AOAH: variants seen among roughly 807,000 people sequenced by gnomAD.
AOAH encodes acyloxyacyl hydrolase (neutrophil).
In AOAH, 64 loss-of-function variants were observed where a neutral mutation model predicts 92.2. The observed-to-expected ratio is 0.69, with a 90% confidence interval of 0.57 to 0.86. AOAH has a LOEUF of 0.86. Ranked by LOEUF, AOAH falls within the 40% of genes least tolerant of loss-of-function variation. The probability of loss-of-function intolerance (pLI) is 0.00; values close to 1 mark genes in which losing one functional copy is unlikely to be tolerated. For missense variants in AOAH, 656 were observed against 694.6 expected (o/e 0.94, Z 0.62); for synonymous variants, 263 against 254.5 (o/e 1.03, Z -0.32).
chr7:36,649,703 A>G (rs553308756), intron 4 of AOAH, among the ~76,000 whole-genome samples: 1 of 152,156 alleles, frequency 6.6e-6, no homozygotes, highest in Non-Finnish European at 1.5e-5. Context: ...AAATCTTGCA[A>G]TTGCACTCTC....
chr7:36,532,317 G>T lies in AOAH; in HGVS notation c.1334C>A (p.Ala445Glu). The change falls in exon 17 of 21, where the codon GCG (alanine) becomes GAG (glutamate). Residue 445 changes from alanine to glutamate, a missense_variant. Coordinates refer to ENST00000617537, the MANE Select transcript of AOAH (RefSeq NM_001637.4). ...GCAGTTCAGGAAGGAGTACAACTGCGCATAGGTCATGTCTTTATTTAGCTG... is the reference window on the plus strand; with the variant it reads ...GCAGTTCAGGAAGGAGTACAACTGCTCATAGGTCATGTCTTTATTTAGCTG... Reference protein sequence around the residue: ...LGQLNKDMTYAQLYSFLNCLQ... With the variant: ...LGQLNKDMTYEQLYSFLNCLQ... 6.2e-7 allele frequency: 1 copy of T among 1,614,102 alleles called. No homozygotes were observed. Among genetic ancestry groups the T allele is most frequent in the Non-Finnish European group, 8.5e-7 (1 of 1,180,028 alleles).
At chr7:36,580,120 C>T (rs938626779) in intron 12 of AOAH, among the ~76,000 whole-genome samples, 2 of 152,274 alleles carry the variant, frequency 1.3e-5, no homozygotes, top group Non-Finnish European at 2.9e-5. Flanking sequence ...TTGATAAACC[C>T]TTTCAACTTG....
intron 1 of AOAH, among the ~76,000 whole-genome samples, chr7:36,697,150 A>G (rs1002960208): frequency 1.3e-5 from 2 of 152,174 alleles, no homozygotes; most frequent in African/African-American, 4.8e-5. Context: ...GTCTGCTATC[A>G]TTAAATACAA....
intron 13 of AOAH, among the ~76,000 whole-genome samples, chr7:36,556,048 T>C (rs929455706): frequency 2.6e-5 from 4 of 151,954 alleles, no homozygotes; most frequent in East Asian, 1.9e-4. Context: ...TTTGCTCTTG[T>C]TTTTCTAGTT....
intron 3 of AOAH, chr7:36,661,387 G>A (rs11971903): frequency 0.24 from 36,358 of 152,106 alleles, 4,998 homozygotes; most frequent in East Asian, 0.43. Flanking sequence ...TGCAGGATGG[G>A]TTCTGAGGGC....
chr7:36,513,409 A>C, intron 20 of AOAH, 29 bp from the exon 21 acceptor site: 1 of 1,606,554 alleles, frequency 6.2e-7, no homozygotes, highest in Non-Finnish European at 8.5e-7. Flanking sequence ...AGGACGAGGA[A>C]AAGGGAAATT....
chr7:36,549,419 A>G lies in AOAH; in HGVS notation c.1058+20T>C, dbSNP rs201018752. 1.7e-5 allele frequency: 27 copies of G among 1,578,106 alleles called. No individual in the cohort carries two copies. In the Middle Eastern group the frequency reaches 6.8e-4, roughly 40 times the overall value. Reference sequence around the variant, plus strand: ...AAAATGAGAAACCAAATTAAAAACAACTTCTTATCTTCTGCTTACCTTTCT... The same window carrying G: ...AAAATGAGAAACCAAATTAAAAACAGCTTCTTATCTTCTGCTTACCTTTCT... On this transcript the variant is annotated intron_variant, in intron 14 of 20. Coordinates refer to ENST00000617537, the MANE Select transcript of AOAH (RefSeq NM_001637.4).
intron 1 of AOAH, among the ~76,000 whole-genome samples, chr7:36,691,929 C>T (rs768702619): frequency 7.2e-5 from 11 of 152,242 alleles, no homozygotes; most frequent in East Asian, 3.9e-4. Flanking sequence ...GACGGAAAAC[C>T]GAGGTGCTTC....
chr7:36,628,554 T>C (rs920051234), intron 6 of AOAH, among the ~76,000 whole-genome samples: 1 of 152,006 alleles, frequency 6.6e-6, no homozygotes, highest in African/African-American at 2.4e-5. Context: ...GAAGCAGGGA[T>C]TGAAGAATGG....
At chr7:36,672,700 T>C (rs1407288200) in intron 3 of AOAH, among the ~76,000 whole-genome samples, 1 of 151,998 alleles carries the variant, frequency 6.6e-6, no homozygotes, top group African/African-American at 2.4e-5. Context: ...GACGGGTTGA[T>C]AGGTGCAGCA....
intron 12 of AOAH, among the ~76,000 whole-genome samples, chr7:36,593,031 C>T (rs770849166): frequency 6.6e-6 from 1 of 152,108 alleles, no homozygotes; most frequent in Non-Finnish European, 1.5e-5. Flanking sequence ...CTTTTATGAC[C>T]CCAGTCTCCC....
intron 3 of AOAH, among the ~76,000 whole-genome samples, chr7:36,664,115 A>G (rs1017629664): frequency 5.3e-5 from 8 of 151,986 alleles, no homozygotes; most frequent in African/African-American, 1.9e-4. Context: ...ATTTTGGATA[A>G]CAGATCTTTA....
intron 4 of AOAH, among the ~76,000 whole-genome samples, chr7:36,649,206 T>G (rs1015575185): frequency 1.3e-5 from 2 of 152,218 alleles, no homozygotes; most frequent in African/African-American, 4.8e-5. Flanking sequence ...GAATTGCCTC[T>G]CACAGGTAGG....
intron 1 of AOAH, among the ~76,000 whole-genome samples, chr7:36,715,570 A>C (rs889060587): frequency 6.6e-6 from 1 of 151,270 alleles, no homozygotes; most frequent in Non-Finnish European, 1.5e-5. Flanking sequence ...CCTGACTTCA[A>C]ACTATACTAC....
rs536977548 is a variant in AOAH, at chr7:36,650,313, G to A, written c.390+8853C>T. On this transcript the variant is annotated intron_variant, in intron 4 of 20. Coordinates refer to ENST00000617537, the MANE Select transcript of AOAH (RefSeq NM_001637.4). ...TTTCTAAGAGGCCTTATTCCTAGGG[G>A]GCTGGGGACTGGAAACCCAATAGCT... is the stretch of plus-strand genomic sequence containing the variant. Among the ~76,000 whole-genome samples, 10 of 152,266 alleles carry A rather than the reference G, an allele frequency of 6.6e-5. No individual in the cohort carries two copies. In the South Asian group the frequency reaches 1.2e-3, roughly 19 times the overall value.
chr7:36,595,159 C>T (rs1235068710), intron 11 of AOAH, among the ~76,000 whole-genome samples: 1 of 152,170 alleles, frequency 6.6e-6, no homozygotes, highest in Admixed American at 6.5e-5. Flanking sequence ...TGGGACTAAT[C>T]TCTCCTGTGG....
chr7:36,670,179 C>A (rs1795830158), intron 3 of AOAH, among the ~76,000 whole-genome samples: 1 of 152,072 alleles, frequency 6.6e-6, no homozygotes, highest in Admixed American at 6.5e-5. Context: ...AGGAAGGATG[C>A]CCTTTGGGTT....
At chr7:36,585,689 A>G (rs1486877797) in intron 12 of AOAH, among the ~76,000 whole-genome samples, 2 of 152,182 alleles carry the variant, frequency 1.3e-5, no homozygotes, top group African/African-American at 4.8e-5. Context: ...GCACTGATTT[A>G]CAGTAGGTTA....
intron 16 of AOAH, among the ~76,000 whole-genome samples, chr7:36,532,675 C>A (rs1562540662): frequency 6.6e-6 from 1 of 152,148 alleles, no homozygotes; most frequent in Non-Finnish European, 1.5e-5. Flanking sequence ...AACCAGGATG[C>A]CTTGGATAAA....
Sources: gnomAD v4.1 joint callset for allele counts (sites outside exome capture counted in the v4.1 genomes callset) on GRCh38, gnomAD v4.1.1 for gene constraint, MANE v1.5 for transcripts, NCBI Gene and HGNC (gene_info 2026-07-23, HGNC 2026-07-21) for gene names.